Variants in PMS1 observed in about 807,000 individuals in gnomAD.
The protein encoded by PMS1 is PMS1 protein homolog 1.
PMS1 carries 79 observed loss-of-function variants against 93.1 expected under a neutral mutation model. The ratio of observed to expected loss-of-function variants is 0.85; its 90% CI spans 0.71 to 1.02. The LOEUF (loss-of-function observed/expected upper bound fraction) is 1.02, where lower values mean the gene tolerates loss of function less well. Among genes scored for constraint, PMS1 ranks in the 50% least tolerant of loss-of-function variants. PMS1 has a pLI of 0.00. For synonymous variants in PMS1, 335 were observed against 363.4 expected (o/e 0.92, Z 0.89); for missense variants, 1,064 against 1,085.3 (o/e 0.98, Z 0.28).
At chr2:189,825,088 A>G (rs2052313576) in intron 5 of PMS1, among the ~76,000 whole-genome samples, 1 of 152,124 alleles carries the variant, frequency 6.6e-6, no homozygotes, top group Admixed American at 6.5e-5. Context: ...TACTATTGCT[A>G]TTTTGATAAC....
chr2:189,798,867 G>GAT (rs908831244), intron 3 of PMS1, among the ~76,000 whole-genome samples: 13 of 150,766 alleles, frequency 8.6e-5, no homozygotes, highest in African/African-American at 2.7e-4. Context: ...TTTTCTGCAA[G>GAT]ATATATATGT....
chr2:189,864,076 C>A lies in PMS1; in HGVS notation c.2190C>A (p.Leu730=). ...ATGAACCTTGCTTGATCCACAATCT[C>A]AGGTTTCCTGATGCATGGCTAATGA... The part of the protein sequence containing the change: ...EKDEPCLIHN[L]RFPDAWLMTS... The change falls in exon 10 of 13, where the codon CTC becomes CTA. Residue 730 remains leucine (L), a synonymous_variant. Transcript: ENST00000441310. The A allele has an allele frequency of 6.2e-7, 1 of 1,613,672 alleles. No homozygotes were observed. Among genetic ancestry groups the A allele is most frequent in the Non-Finnish European group, 8.5e-7 (1 of 1,179,750 alleles).
chr2:189,828,146 G>C (rs1029986807), intron 5 of PMS1, among the ~76,000 whole-genome samples: 5 of 151,992 alleles, frequency 3.3e-5, no homozygotes, highest in South Asian at 2.1e-4. Context: ...GGATGGTCTC[G>C]ATCTCCTGAC....
At chr2:189,865,776 A>T (rs2056603440) in intron 10 of PMS1, among the ~76,000 whole-genome samples, 1 of 152,238 alleles carries the variant, frequency 6.6e-6, no homozygotes, top group Non-Finnish European at 1.5e-5. Flanking sequence ...TCAGTCAGAC[A>T]CAGGTAGAAG....
intron 4 of PMS1, among the ~76,000 whole-genome samples, chr2:189,809,485 A>G (rs2050648717): frequency 1.2e-5 from 1 of 81,912 alleles, no homozygotes; most frequent in Admixed American, 1.5e-4. Context: ...GCTTTTTGAG[A>G]CAGGGTTCAT....
rs1006766043 is a variant in PMS1 at position 189,854,025 on chromosome 2, A to G, written c.909A>G (p.Thr303=). 1.9e-6 allele frequency: 3 copies of G among 1,606,312 alleles called. No homozygotes were observed. The African/African-American group carries it at 4.0e-5, about 21-fold the overall frequency. The change falls in exon 8 of 13, where the codon ACA becomes ACG. Residue 303 remains threonine (T), a synonymous_variant. Transcript: ENST00000441310. ...TCTTTCTGAAAATCGATGTTCCTAC[A>G]GCTGATGTTGATGTAAATTTAACAC... The part of the protein sequence containing the change: ...PVFFLKIDVP[T]ADVDVNLTPD...
chr2:189,830,188 A>G (rs1334203658), intron 5 of PMS1, among the ~76,000 whole-genome samples: 2 of 152,188 alleles, frequency 1.3e-5, no homozygotes, highest in Non-Finnish European at 2.9e-5. Flanking sequence ...GTAGCCATAA[A>G]CAATAATACT....
intron 5 of PMS1, among the ~76,000 whole-genome samples, chr2:189,831,356 C>T (rs918120783): frequency 6.6e-6 from 1 of 152,040 alleles, no homozygotes. Flanking sequence ...CTAGGGAGAC[C>T]ATAAACATTT....
In PMS1 at chr2:189,852,717, A is replaced by T; in HGVS notation, c.762A>T (p.Thr254=). 6.3e-7 allele frequency: 1 copy of T among 1,579,910 alleles called. No individual in the cohort carries two copies. The stretch of plus-strand genomic sequence containing the variant: ...ACCACTCTTTCACTAGTCTTTCAAC[A>T]CCAGAAAGAAGTTTCATCTTCATAA... The part of the protein sequence containing the change: ...DADHSFTSLS[T]PERSFIFINS... The change falls in exon 7 of 13, where the codon ACA becomes ACT. Residue 254 remains threonine (T), a synonymous_variant. Coordinates refer to ENST00000441310, the MANE Select transcript of PMS1 (RefSeq NM_000534.5).
intron 3 of PMS1, among the ~76,000 whole-genome samples, chr2:189,798,654 G>A (rs1458738262): frequency 4.0e-5 from 6 of 151,896 alleles, no homozygotes; most frequent in East Asian, 3.9e-4. Flanking sequence ...AAAATTGCAC[G>A]AGGTTTGCAT....
intron 6 of PMS1, 148 bp downstream of exon 6, chr2:189,844,228 T>G: frequency 7.5e-7 from 1 of 1,328,826 alleles, no homozygotes; most frequent in South Asian, 1.5e-5. Context: ...AATACAGAGC[T>G]TATGTTAAAC....
chr2:189,805,973 A>T lies in PMS1; in HGVS notation c.418+219A>T. The T allele has an allele frequency of 4.2e-6, 6 of 1,414,846 alleles. No individual in the cohort carries two copies. In the African/African-American group the frequency reaches 4.3e-5, roughly 10 times the overall value. 87.6% of individuals were successfully genotyped at this position (1,414,846 alleles called of 1,614,324 possible). A position where few individuals can be genotyped will look rare whatever the true frequency, so the allele number is the denominator to read the frequency against. ...AAAGGAACTGTATGAGAGACTGGAC[A>T]CTTCCATGGACTAGTTACTCCTCTG... On this transcript the variant is annotated intron_variant, in intron 4 of 12. Coordinates refer to ENST00000441310, the MANE Select transcript of PMS1 (RefSeq NM_000534.5).
At chr2:189,790,292 G>A (rs1431899086) in intron 1 of PMS1, among the ~76,000 whole-genome samples, 1 of 152,186 alleles carries the variant, frequency 6.6e-6, no homozygotes, top group Non-Finnish European at 1.5e-5. Context: ...GCACATAACT[G>A]ATTGTCATTA....
chr2:189,837,524 G>A (rs1314035613), intron 5 of PMS1, among the ~76,000 whole-genome samples: 1 of 152,062 alleles, frequency 6.6e-6, no homozygotes, highest in Admixed American at 6.6e-5. Flanking sequence ...TTTGAACATT[G>A]TTCCTTAAAT....
At chr2:189,809,269 T>C (rs2050610758) in intron 4 of PMS1, among the ~76,000 whole-genome samples, 1 of 152,074 alleles carries the variant, frequency 6.6e-6, no homozygotes, top group African/African-American at 2.4e-5. Flanking sequence ...TGGCATACCA[T>C]AGGGTCATGT....
chr2:189,859,794 GT>G lies in PMS1; in HGVS notation c.1857-3948del, dbSNP rs144477539. On this transcript the variant is annotated intron_variant, in intron 9 of 12. Coordinates refer to ENST00000441310, the MANE Select transcript of PMS1 (RefSeq NM_000534.5). ...GGGTGTGTTTAATTTATCCAAATTTGTCTTTTCATTGATGACTAAAATGAGA... is the reference window on the plus strand; with the variant it reads ...GGGTGTGTTTAATTTATCCAAATTTGCTTTTCATTGATGACTAAAATGAGA... Among the ~76,000 whole-genome samples, 67 of 151,986 alleles carry G rather than the reference GT, an allele frequency of 4.4e-4. 1 individual carries two copies. The East Asian group carries it at 0.013, about 29-fold the overall frequency.
chr2:189,846,229 T>C (rs1441820951), intron 6 of PMS1, among the ~76,000 whole-genome samples: 1 of 150,770 alleles, frequency 6.6e-6, no homozygotes, highest in Non-Finnish European at 1.5e-5. Context: ...ATGCAAAAAT[T>C]GGCCCGGTGT....
At chr2:189,875,053 A>G (rs2057446779) in intron 12 of PMS1, among the ~76,000 whole-genome samples, 1 of 151,872 alleles carries the variant, frequency 6.6e-6, no homozygotes, top group African/African-American at 2.4e-5. Context: ...GAGAACTTAA[A>G]CCACGGGGAT....
chr2:189,838,943 G>A (rs1385628860), intron 5 of PMS1, among the ~76,000 whole-genome samples: 3 of 152,086 alleles, frequency 2.0e-5, no homozygotes, highest in African/African-American at 7.2e-5. Flanking sequence ...AGTTTTGCAT[G>A]TCTTTCGTAA....
Sources: gnomAD v4.1 joint callset for allele counts (sites outside exome capture counted in the v4.1 genomes callset) on GRCh38, gnomAD v4.1.1 for gene constraint, MANE v1.5 for transcripts, NCBI Gene and HGNC (gene_info 2026-07-23, HGNC 2026-07-21) for gene names.